KIF4A: variants seen among roughly 807,000 people sequenced by gnomAD.
The protein encoded by KIF4A is kinesin family member 4A, also known as chromosome-associated kinesin KIF4A.
A neutral mutation model predicts 105.9 loss-of-function variants in KIF4A; 7 were observed. The ratio of observed to expected loss-of-function variants is 0.07; its 90% CI spans 0.04 to 0.12. The LOEUF (loss-of-function observed/expected upper bound fraction) is 0.12, where lower values mean the gene tolerates loss of function less well. KIF4A is among the 10% of genes least tolerant of loss of function. The probability of loss-of-function intolerance (pLI) is 1.00; values close to 1 mark genes in which losing one functional copy is unlikely to be tolerated. For synonymous variants in KIF4A, 281 were observed against 331.3 expected, an observed-to-expected ratio of 0.85 and a Z score of 1.65; for missense variants, 558 against 929.2, an observed-to-expected ratio of 0.60 and a Z score of 5.19.
intron 15 of KIF4A, among the ~76,000 whole-genome samples, chrX:70,367,537 T>A (rs2086109863): frequency 1.8e-5 from 2 of 111,906 alleles, no homozygotes; most frequent in African/African-American, 6.5e-5. Context: ...TATGAAATTC[T>A]GGGTTGAAAA....
chrX:70,333,040 C>CA (rs1429775117), intron 9 of KIF4A, among the ~76,000 whole-genome samples: 1 of 110,714 alleles, frequency 9.0e-6, no homozygotes, highest in Non-Finnish European at 1.9e-5. Flanking sequence ...GACTGATTTT[C>CA]AAAAATAGGT....
chrX:70,310,033 ACT>A (rs2085842727), intron 7 of KIF4A, among the ~76,000 whole-genome samples: 1 of 112,234 alleles, frequency 8.9e-6, no homozygotes, highest in African/African-American at 3.2e-5. Context: ...ACAGAGTGAG[ACT>A]CTTTCTCAAA....
At chrX:70,354,312 G>C (rs1219958917) in intron 15 of KIF4A, among the ~76,000 whole-genome samples, 1 of 112,281 alleles carries the variant, frequency 8.9e-6, no homozygotes, top group Non-Finnish European at 1.9e-5. Flanking sequence ...CCTTGCTCCA[G>C]ACTTATTTTC....
chrX:70,317,761 C>CT (rs1296446766), intron 7 of KIF4A, among the ~76,000 whole-genome samples: 1 of 111,064 alleles, frequency 9.0e-6, no homozygotes, highest in Non-Finnish European at 1.9e-5. Context: ...CCAGGTTGGT[C>CT]TTTAATTCCT....
chrX:70,411,720 T>C (rs2086322756), intron 28 of KIF4A, among the ~76,000 whole-genome samples: 1 of 110,531 alleles, frequency 9.0e-6, no homozygotes, highest in African/African-American at 3.3e-5. Context: ...TGAGAACAAC[T>C]GGCTTAGGGG....
chrX:70,413,652 T>G (rs2086331717), intron 28 of KIF4A, among the ~76,000 whole-genome samples: 1 of 101,993 alleles, frequency 9.8e-6, no homozygotes. Context: ...AAAAGAGTGC[T>G]TGGGTAGGCC....
At chrX:70,380,260 A>G (rs991184075) in intron 18 of KIF4A, among the ~76,000 whole-genome samples, 3 of 111,448 alleles carry the variant, frequency 2.7e-5, no homozygotes, top group Non-Finnish European at 5.6e-5. Flanking sequence ...GTGAGCCAAG[A>G]CCGTGCCACT....
chrX:70,368,168 G>A (rs2086113176), intron 15 of KIF4A, among the ~76,000 whole-genome samples: 1 of 111,590 alleles, frequency 9.0e-6, no homozygotes, highest in African/African-American at 3.3e-5. Context: ...TTTTTTCAAG[G>A]TTTTTAACTT....
At chrX:70,382,960 G>A (rs778813157) in intron 18 of KIF4A, among the ~76,000 whole-genome samples, 5 of 110,987 alleles carry the variant, frequency 4.5e-5, no homozygotes, top group South Asian at 3.8e-4. Context: ...CAAGGCGGGC[G>A]GATCACCTGA....
At chrX:70,322,698 G>T (rs1338884518) in intron 7 of KIF4A, among the ~76,000 whole-genome samples, 1 of 65,958 alleles carries the variant, frequency 1.5e-5, no homozygotes, top group Admixed American at 2.2e-4. Context: ...CCAGGGCATT[G>T]TTCTATGCTC....
At chrX:70,321,136 C>T (rs1297060901) in intron 7 of KIF4A, among the ~76,000 whole-genome samples, 2 of 111,054 alleles carry the variant, frequency 1.8e-5, no homozygotes, top group East Asian at 5.6e-4. Context: ...CCTACCTCCT[C>T]GACCATCTTT....
intron 13 of KIF4A, among the ~76,000 whole-genome samples, chrX:70,345,731 T>C (rs1431001187): frequency 1.8e-5 from 2 of 111,686 alleles, no homozygotes; most frequent in East Asian, 5.6e-4. Context: ...TGTTATTATA[T>C]TTTGAGAGTT....
At position 70,419,914 on chromosome X, in the gene KIF4A, C is replaced by T. The variant is rs2086359877; in HGVS notation, c.3495+131C>T. 4.9e-6 allele frequency: 5 copies of T among 1,021,872 alleles called. No homozygotes were observed. The highest frequency in any genetic ancestry group is 6.7e-6 in the Non-Finnish European group (5 of 744,033). The allele number at this position is 1,021,872 out of a possible 1,213,427, so 84.2% of individuals were successfully genotyped here. A position where few individuals can be genotyped will look rare whatever the true frequency, so the allele number is the denominator to read the frequency against. On this transcript the variant is annotated intron_variant, in intron 30 of 30. Coordinates refer to ENST00000374403, the MANE Select transcript of KIF4A (RefSeq NM_012310.5). Reference sequence around the variant, plus strand: ...AGCTTGCTGGGAACTAGGGATCGGGCATAGACTCTAGTCTGGTTTTTTCCA... The same window carrying T: ...AGCTTGCTGGGAACTAGGGATCGGGTATAGACTCTAGTCTGGTTTTTTCCA...
intron 15 of KIF4A, among the ~76,000 whole-genome samples, chrX:70,371,452 G>GCCATTGTCAT (rs2086132312): frequency 1.8e-5 from 2 of 111,599 alleles, no homozygotes; most frequent in South Asian, 7.6e-4. Context: ...CCACAAAACC[G>GCCATTGTCAT]CCATTGTCAT....
At chrX:70,303,167 A>G (rs1602739885) in intron 7 of KIF4A, among the ~76,000 whole-genome samples, 1 of 112,047 alleles carries the variant, frequency 8.9e-6, no homozygotes, top group Admixed American at 9.5e-5. Flanking sequence ...TGTCCCTCTA[A>G]TAATCCACTC....
intron 29 of KIF4A, among the ~76,000 whole-genome samples, chrX:70,418,945 C>T (rs1306851067): frequency 7.2e-5 from 8 of 110,966 alleles, no homozygotes; most frequent in Admixed American, 4.8e-4. Context: ...ATTAGCCAGG[C>T]GTGGTAGTGG....
In KIF4A at chrX:70,291,447, ACTT is replaced by A. The variant is rs1209479897; in HGVS notation, c.235+646_235+648del. On this transcript the variant is annotated intron_variant, in intron 3 of 30. Coordinates refer to ENST00000374403, the MANE Select transcript of KIF4A (RefSeq NM_012310.5). ...GAGATGGGTCTTGAATAATGAGTAT[ACTT>A]CTTTTAGGTGGAGAAGGGGAGTGCC... 3.6e-5 allele frequency among the ~76,000 whole-genome samples: 4 copies of A among 110,443 alleles called. No homozygotes were observed. In the East Asian group the frequency reaches 1.1e-3, roughly 31 times the overall value.
chrX:70,399,176 G>C (rs148321598), intron 22 of KIF4A, among the ~76,000 whole-genome samples: 2 of 112,214 alleles, frequency 1.8e-5, no homozygotes, highest in African/African-American at 3.2e-5. Flanking sequence ...TATGATGGTC[G>C]TCTCAAGAAA....
intron 5 of KIF4A, among the ~76,000 whole-genome samples, chrX:70,300,960 G>A (rs756076422): frequency 8.9e-6 from 1 of 111,744 alleles, no homozygotes; most frequent in African/African-American, 3.2e-5. Flanking sequence ...GGAAACTGTT[G>A]CTTATTTTTT....
Sources: allele counts gnomAD v4.1 joint callset (sites outside exome capture counted in the v4.1 genomes callset), GRCh38; gene constraint gnomAD v4.1.1; transcripts MANE v1.5; gene names NCBI Gene and HGNC (gene_info 2026-07-23, HGNC 2026-07-21).